RAPGEF2: variants seen among roughly 807,000 people sequenced by gnomAD.
RAPGEF2 encodes the protein PDZ domain containing guanine nucleotide exchange factor (GEF) 1.
In RAPGEF2, 54 loss-of-function variants were observed where a neutral mutation model predicts 186.7. The observed-to-expected ratio is 0.29, with a 90% confidence interval of 0.23 to 0.36. The LOEUF (loss-of-function observed/expected upper bound fraction) is 0.36, where lower values mean the gene tolerates loss of function less well. RAPGEF2 is among the 10% of genes least tolerant of loss of function. RAPGEF2 has a pLI of 1.00. For missense variants in RAPGEF2, 1,532 were observed against 2,045.0 expected (o/e 0.75, Z 4.84); for synonymous variants, 712 against 705.9 (o/e 1.01, Z -0.14).
intron 1 of RAPGEF2, among the ~76,000 whole-genome samples, chr4:159,108,000 T>C (rs1488170410): frequency 6.6e-6 from 1 of 152,152 alleles, no homozygotes; most frequent in African/African-American, 2.4e-5. Flanking sequence ...AACTAAACTA[T>C]CTGTATGCCA....
intron 1 of RAPGEF2, among the ~76,000 whole-genome samples, chr4:159,174,212 G>A (rs1218001494): frequency 6.6e-6 from 1 of 152,208 alleles, no homozygotes; most frequent in African/African-American, 2.4e-5. Context: ...TTAACATGGT[G>A]CATAGTATGC....
chr4:159,266,173 G>A (rs1266382194), intron 7 of RAPGEF2, among the ~76,000 whole-genome samples: 1 of 151,904 alleles, frequency 6.6e-6, no homozygotes, highest in African/African-American at 2.4e-5. Context: ...AGGATAATGG[G>A]TAATGTAAGA....
chr4:159,152,171 ATT>A (rs991312465), intron 1 of RAPGEF2, among the ~76,000 whole-genome samples: 1 of 152,038 alleles, frequency 6.6e-6, no homozygotes, highest in African/African-American at 2.4e-5. Flanking sequence ...AAAATACAAA[ATT>A]TAGCCAGGCA....
chr4:159,280,166 T>C (rs1759501305), intron 7 of RAPGEF2, among the ~76,000 whole-genome samples: 1 of 152,226 alleles, frequency 6.6e-6, no homozygotes, highest in South Asian at 2.1e-4. Flanking sequence ...TCTTAATTTG[T>C]TTCTAGTTAG....
At chr4:159,147,081 G>A (rs1340815326) in intron 1 of RAPGEF2, among the ~76,000 whole-genome samples, 3 of 152,102 alleles carry the variant, frequency 2.0e-5, no homozygotes, top group Non-Finnish European at 4.4e-5. Context: ...TACAGGCATG[G>A]GCCACAGCAC....
chr4:159,329,477 A>G (rs1055272353), intron 11 of RAPGEF2: 2 of 153,024 alleles, frequency 1.3e-5, no homozygotes, highest in Admixed American at 1.3e-4. Context: ...TGCTTCTTCA[A>G]ATTCTTTTAA....
chr4:159,122,363 T>C (rs1181649539), intron 1 of RAPGEF2, among the ~76,000 whole-genome samples: 1 of 151,080 alleles, frequency 6.6e-6, no homozygotes, highest in Non-Finnish European at 1.5e-5. Context: ...CCTATAATCC[T>C]AGCTACTTAG....
chr4:159,274,179 T>G (rs981011558), intron 7 of RAPGEF2, among the ~76,000 whole-genome samples: 2 of 152,246 alleles, frequency 1.3e-5, no homozygotes, highest in African/African-American at 4.8e-5. Flanking sequence ...GAGTAATGCT[T>G]AAGTTTTCTT....
At chr4:159,322,203 C>G in intron 9 of RAPGEF2, 144 bp from the exon 10 acceptor site, 1 of 594,016 alleles carries the variant, frequency 1.7e-6, no homozygotes, top group Non-Finnish European at 2.8e-6. Context: ...AGAAATTCAG[C>G]TGGTGCTAAA....
At chr4:159,149,251 TTTTG>T (rs1015938963) in intron 1 of RAPGEF2, among the ~76,000 whole-genome samples, 5 of 152,170 alleles carry the variant, frequency 3.3e-5, no homozygotes, top group African/African-American at 1.2e-4. Context: ...GTTTTAGTTT[TTTTG>T]TTTATTTGTT....
chr4:159,291,529 C>G (rs904293530), intron 7 of RAPGEF2, among the ~76,000 whole-genome samples: 4 of 152,180 alleles, frequency 2.6e-5, no homozygotes, highest in Non-Finnish European at 4.4e-5. Flanking sequence ...CCCCTGGACT[C>G]AAGCTATCCT....
At chr4:159,231,896 G>A (rs1458714407) in intron 4 of RAPGEF2, among the ~76,000 whole-genome samples, 1 of 152,072 alleles carries the variant, frequency 6.6e-6, no homozygotes, top group Admixed American at 6.5e-5. Flanking sequence ...CTCTAACTAG[G>A]TCTTTCACCC....
At position 159,319,550 on chromosome 4, in the gene RAPGEF2, A is replaced by G. The variant is rs1334528707; in HGVS notation, c.854-2797A>G. 2.0e-5 allele frequency among the ~76,000 whole-genome samples: 3 copies of G among 152,016 alleles called. No homozygotes were observed. The East Asian group carries it at 5.8e-4, about 29-fold the overall frequency. On this transcript the variant is annotated intron_variant, in intron 9 of 29. Transcript: ENST00000691494. ...TTCTTTATTTTTAAAAATTGCTCCA[A>G]TCATCTAGTATAATATAGCATAGAA... is the stretch of plus-strand genomic sequence containing the variant.
At chr4:159,213,482 C>A (rs1750718730) in intron 4 of RAPGEF2, among the ~76,000 whole-genome samples, 1 of 152,126 alleles carries the variant, frequency 6.6e-6, no homozygotes, top group South Asian at 2.1e-4. Flanking sequence ...CTTGAAAGTA[C>A]CAAAGTAGCT....
At chr4:159,209,548 C>T (rs1750313819) in intron 3 of RAPGEF2, among the ~76,000 whole-genome samples, 1 of 152,178 alleles carries the variant, frequency 6.6e-6, no homozygotes, top group African/African-American at 2.4e-5. Context: ...ATGTAATCTC[C>T]GTGAGGGCAG....
intron 17 of RAPGEF2, among the ~76,000 whole-genome samples, chr4:159,337,563 A>G (rs1271559930): frequency 6.6e-6 from 1 of 152,114 alleles, no homozygotes; most frequent in Non-Finnish European, 1.5e-5. Context: ...CTGAGAAACT[A>G]CTAATATTTT....
At chr4:159,351,027 G>GCAT in intron 26 of RAPGEF2, 1 of 1,511,762 alleles carries the variant, frequency 6.6e-7, no homozygotes, top group South Asian at 1.2e-5. Flanking sequence ...TTACATGGAT[G>GCAT]CATCTCAATT....
Position 159,135,902 on chromosome 4 carries a change from A to G in RAPGEF2, c.69+31671A>G, listed in dbSNP as rs1393058187. Among the ~76,000 whole-genome samples, 3 of 152,184 alleles carry G rather than the reference A, an allele frequency of 2.0e-5. No individual in the cohort carries two copies. In the East Asian group the frequency reaches 5.8e-4, roughly 29 times the overall value. ...GCGTGAGCCACTGTGCCTGGCCTTA[A>G]TTCCTTGTTTTGAAATAAATTTAGA... On this transcript the variant is annotated intron_variant, in intron 1 of 29. Coordinates refer to ENST00000691494, the MANE Select transcript of RAPGEF2 (RefSeq NM_001394067.2).
rs185435764 is a variant in RAPGEF2 at position 159,250,600 on chromosome 4, G to T, written c.543+6809G>T. On this transcript the variant is annotated intron_variant, in intron 7 of 29. Transcript: ENST00000691494. Reference sequence around the variant, plus strand: ...AATACAATGCAGAAGACATTTGAGGGTATTAGAAAATAAAACCTCAAAATA... The same window carrying T: ...AATACAATGCAGAAGACATTTGAGGTTATTAGAAAATAAAACCTCAAAATA... Among the ~76,000 whole-genome samples the T allele has an allele frequency of 6.0e-4, 91 of 151,516 alleles. 2 individuals are homozygous for T. The highest frequency in any genetic ancestry group is 4.7e-3 in the Admixed American group (71 of 15,242).
Sources: gnomAD v4.1 joint callset for allele counts (sites outside exome capture counted in the v4.1 genomes callset) on GRCh38, gnomAD v4.1.1 for gene constraint, MANE v1.5 for transcripts, NCBI Gene and HGNC (gene_info 2026-07-23, HGNC 2026-07-21) for gene names.